Variants in KCND2 observed in about 807,000 individuals in gnomAD.
KCND2 encodes the protein A-type voltage-gated potassium channel KCND2.
Under a neutral mutation model 54.4 loss-of-function variants are expected in KCND2, and 16 were observed. The ratio of observed to expected loss-of-function variants is 0.29; its 90% CI spans 0.20 to 0.45. The LOEUF is 0.45. KCND2 is among the 20% of genes least tolerant of loss of function. KCND2 has a pLI of 1.00. For synonymous variants in KCND2, 317 were observed against 310.7 expected (o/e 1.02, Z -0.21); for missense variants, 486 against 824.2 (o/e 0.59, Z 5.02).
intron 1 of KCND2, among the ~76,000 whole-genome samples, chr7:120,522,254 G>A (rs1406085402): frequency 2.0e-5 from 3 of 152,116 alleles, no homozygotes; most frequent in African/African-American, 7.2e-5. Context: ...GAGCCTTTTA[G>A]AAAAGGTCTT....
At chr7:120,563,126 C>T (rs762310494) in intron 1 of KCND2, among the ~76,000 whole-genome samples, 4 of 152,040 alleles carry the variant, frequency 2.6e-5, no homozygotes, top group Non-Finnish European at 4.4e-5. Flanking sequence ...ATGTTATTAA[C>T]GTTTCTTCTA....
chr7:120,610,601 G>A (rs1448532698), intron 1 of KCND2, among the ~76,000 whole-genome samples: 9 of 152,040 alleles, frequency 5.9e-5, no homozygotes, highest in Non-Finnish European at 1.0e-4. Flanking sequence ...CCTGTACTGC[G>A]GGTCTGCAGA....
Position 120,274,261 on chromosome 7 carries a change from C to T in KCND2, c.-372C>T, listed in dbSNP as rs1799138050. On this transcript the variant is annotated 5_prime_UTR_variant, in exon 1 of 6. Coordinates refer to ENST00000331113, the MANE Select transcript of KCND2 (RefSeq NM_012281.3). ...CTATCCTACACTCCACATACTGACC[C>T]TATATTATCCAGACTGTGCCGGGGA... 2.7e-6 allele frequency: 1 copy of T among 366,242 alleles called. No individual in the cohort carries two copies. The highest frequency in any genetic ancestry group is 2.1e-5 in the African/African-American group (1 of 48,298). 22.7% of individuals were successfully genotyped at this position (366,242 alleles called of 1,614,324 possible). A position where few individuals can be genotyped will look rare whatever the true frequency, so the allele number is the denominator to read the frequency against.
chr7:120,622,664 T>TACACAC (rs138167439), intron 1 of KCND2, among the ~76,000 whole-genome samples: 3,873 of 134,372 alleles, frequency 0.029, 134 homozygotes, highest in African/African-American at 0.088. Flanking sequence ...TCCTTTTCCT[T>TACACAC]ACACACACAC....
chr7:120,311,910 CT>C (rs1275197961), intron 1 of KCND2, among the ~76,000 whole-genome samples: 4 of 151,884 alleles, frequency 2.6e-5, no homozygotes, highest in Non-Finnish European at 5.9e-5. Flanking sequence ...CAATTTTTTT[CT>C]TTTATATTTT....
intron 1 of KCND2, among the ~76,000 whole-genome samples, chr7:120,727,423 G>A (rs1792747202): frequency 6.6e-6 from 1 of 152,168 alleles, no homozygotes; most frequent in Non-Finnish European, 1.5e-5. Context: ...TGGATGAATG[G>A]ATGCATTGTC....
At chr7:120,605,534 A>G (rs1447303452) in intron 1 of KCND2, among the ~76,000 whole-genome samples, 2 of 152,188 alleles carry the variant, frequency 1.3e-5, no homozygotes, top group Non-Finnish European at 2.9e-5. Flanking sequence ...ACATTCATGT[A>G]TAAGATTTTA....
At chr7:120,365,898 T>C (rs1181363946) in intron 1 of KCND2, among the ~76,000 whole-genome samples, 1 of 152,042 alleles carries the variant, frequency 6.6e-6, no homozygotes, top group Non-Finnish European at 1.5e-5. Flanking sequence ...AACTGTACAA[T>C]TTACATAAGA....
At chr7:120,406,569 A>G (rs1420147257) in intron 1 of KCND2, among the ~76,000 whole-genome samples, 2 of 152,088 alleles carry the variant, frequency 1.3e-5, no homozygotes, top group South Asian at 2.1e-4. Flanking sequence ...CAATAGAAAT[A>G]TGTAACACAG....
intron 1 of KCND2, among the ~76,000 whole-genome samples, chr7:120,393,135 G>A (rs1308555289): frequency 5.3e-5 from 8 of 151,932 alleles, no homozygotes; most frequent in East Asian, 3.9e-4. Context: ...AATGAATGAC[G>A]TTGAGTTTGT....
intron 1 of KCND2, among the ~76,000 whole-genome samples, chr7:120,482,828 C>G (rs1802626200): frequency 6.6e-6 from 1 of 152,136 alleles, no homozygotes; most frequent in Non-Finnish European, 1.5e-5. Context: ...TAAAACAACA[C>G]TTTAAGAATT....
intron 1 of KCND2, among the ~76,000 whole-genome samples, chr7:120,446,283 T>G (rs1802017762): frequency 6.6e-6 from 1 of 152,176 alleles, no homozygotes; most frequent in Non-Finnish European, 1.5e-5. Flanking sequence ...TAGATGTATG[T>G]TGAATTTGAT....
intron 1 of KCND2, among the ~76,000 whole-genome samples, chr7:120,682,037 G>T (rs1239040845): frequency 1.3e-5 from 2 of 151,934 alleles, no homozygotes; most frequent in Non-Finnish European, 2.9e-5. Context: ...ATATGAATTT[G>T]CTTTAATTGT....
In KCND2 at chr7:120,515,016, T is replaced by A. The variant is rs531893373; in HGVS notation, c.1116-217887T>A. ...TGCATTCTTATTTTGTTGCATTTTT[T>A]AAACTTTTTCTTTCTTTGTAATATT... On this transcript the variant is annotated intron_variant, in intron 1 of 5. Coordinates refer to ENST00000331113, the MANE Select transcript of KCND2 (RefSeq NM_012281.3). Among the ~76,000 whole-genome samples, 5 of 151,028 alleles carry A rather than the reference T, an allele frequency of 3.3e-5. No individual in the cohort carries two copies. In the South Asian group the frequency reaches 6.2e-4, roughly 19 times the overall value.
chr7:120,349,297 TACACACACACAAACACAC>T (rs775526645), intron 1 of KCND2, among the ~76,000 whole-genome samples: 15,197 of 140,964 alleles, frequency 0.11, 787 homozygotes, highest in Admixed American at 0.15. Flanking sequence ...TAAGCTGCTA[TACACACACACAAACACAC>T]ACACACACAC....
In KCND2 at chr7:120,377,976, C is replaced by T. The variant is rs113942909; in HGVS notation, c.1115+102229C>T. The stretch of plus-strand genomic sequence containing the variant: ...AAGCAATTAAATTATTGGTTCATAA[C>T]TTTTTATTTGATTGTTCTTGTCCAA... On this transcript the variant is annotated intron_variant, in intron 1 of 5. Coordinates refer to ENST00000331113, the MANE Select transcript of KCND2 (RefSeq NM_012281.3). 2.4e-3 allele frequency among the ~76,000 whole-genome samples: 361 copies of T among 151,910 alleles called. 2 individuals are homozygous for T. Among genetic ancestry groups the T allele is most frequent in the African/African-American group, 8.5e-3 (351 of 41,464 alleles).
chr7:120,710,670 C>A (rs559199523), intron 1 of KCND2, among the ~76,000 whole-genome samples: 2 of 152,038 alleles, frequency 1.3e-5, no homozygotes, highest in South Asian at 4.2e-4. Context: ...CCTAAGGAGC[C>A]AATCTAAGGT....
intron 1 of KCND2, among the ~76,000 whole-genome samples, chr7:120,543,310 A>C (rs879596496): frequency 2.6e-5 from 4 of 151,580 alleles, no homozygotes; most frequent in Non-Finnish European, 5.9e-5. Flanking sequence ...ATTTTTCCCC[A>C]GCAGAGCATG....
intron 1 of KCND2, among the ~76,000 whole-genome samples, chr7:120,452,269 C>T (rs1802124682): frequency 6.6e-6 from 1 of 152,124 alleles, no homozygotes; most frequent in Non-Finnish European, 1.5e-5. Flanking sequence ...CTCTGTATTC[C>T]TTAACATCTT....
Sources: gnomAD v4.1 joint callset for allele counts (sites outside exome capture counted in the v4.1 genomes callset) on GRCh38, gnomAD v4.1.1 for gene constraint, MANE v1.5 for transcripts, NCBI Gene and HGNC (gene_info 2026-07-23, HGNC 2026-07-21) for gene names.